Variants in TMCO6 observed in about 807,000 individuals in gnomAD.
TMCO6 encodes the protein transmembrane and coiled-coil domain-containing protein 6.
TMCO6 carries 47 observed loss-of-function variants against 61.8 expected under a neutral mutation model. That is an observed-to-expected ratio of 0.76 (90% CI 0.60 to 0.97). TMCO6 has a LOEUF of 0.97. Ranked by LOEUF, TMCO6 falls within the 50% of genes least tolerant of loss-of-function variation. The pLI is 0.00. For synonymous variants in TMCO6, 261 were observed against 254.2 expected (o/e 1.03, Z -0.25); for missense variants, 557 against 601.6 (o/e 0.93, Z 0.78).
chr5:140,642,274 T>A, intron 4 of TMCO6, 41 bp from the exon 5 acceptor site: 1 of 1,552,578 alleles, frequency 6.4e-7, no homozygotes, highest in Non-Finnish European at 8.8e-7. Context: ...CAGCCTGGCA[T>A]GAAACAGGCC....
chr5:140,642,151 TTGC>T, intron 4 of TMCO6, 98 bp downstream of exon 4: 3 of 1,495,864 alleles, frequency 2.0e-6, no homozygotes, highest in Non-Finnish European at 2.7e-6. Context: ...GAAAACATGT[TTGC>T]CCTTATGCCT....
rs771621644 is a variant in TMCO6, at chr5:140,644,198, T to C, written c.1200+4T>C. 1.5e-5 allele frequency: 25 copies of C among 1,613,642 alleles called. No homozygotes were observed. The highest frequency in any genetic ancestry group is 2.0e-5 in the Non-Finnish European group (24 of 1,179,642). ...ATCTAACGTGGTGAGCGTAATGGTA[T>C]GTATTGGGGTTACTTGAATCCAAGA... On this transcript the variant is annotated splice_donor_region_variant and intron_variant, in intron 10 of 11. Coordinates refer to ENST00000394671, the MANE Select transcript of TMCO6 (RefSeq NM_018502.5).
chr5:140,608,729 GTCCCT>G, the TMCO6 span, among the ~76,000 whole-genome samples: 1 of 152,192 alleles, frequency 6.6e-6, no homozygotes, highest in Non-Finnish European at 1.5e-5. Context: ...ATATCCAGGT[GTCCCT>G]TTGCCATTAG....
At chr5:140,630,584 A>T in the TMCO6 span, among the ~76,000 whole-genome samples, 3 of 152,172 alleles carry the variant, frequency 2.0e-5, no homozygotes, top group Admixed American at 6.5e-5. Context: ...TTCTGTAACC[A>T]TTTGATGAAG....
At chr5:140,630,992 G>T in the TMCO6 span, among the ~76,000 whole-genome samples, 2 of 152,218 alleles carry the variant, frequency 1.3e-5, no homozygotes, top group African/African-American at 4.8e-5. Context: ...AGGTCTCTGA[G>T]CTAATGTGGA....
the TMCO6 span, among the ~76,000 whole-genome samples, chr5:140,624,808 A>G: frequency 6.6e-6 from 1 of 150,890 alleles, no homozygotes; most frequent in East Asian, 1.9e-4. Flanking sequence ...TATTACAGGC[A>G]TGAGTCACTG....
chr5:140,615,020 T>C, the TMCO6 span, among the ~76,000 whole-genome samples: 2 of 152,182 alleles, frequency 1.3e-5, no homozygotes, highest in African/African-American at 4.8e-5. Context: ...TAATCTCCAT[T>C]CGTAAATGAC....
chr5:140,617,205 C>A, the TMCO6 span, among the ~76,000 whole-genome samples: 1 of 152,162 alleles, frequency 6.6e-6, no homozygotes, highest in Non-Finnish European at 1.5e-5. Flanking sequence ...GTGGGCAGAT[C>A]ACTTTAGGTC....
In TMCO6 at chr5:140,643,594, T is replaced by C. The variant is rs377210720; in HGVS notation, c.837T>C (p.His279=). ...TCAGCAATCCTCTGCTCATTGGCCATGGGGCTCTGTCTACTCTGGGGTTGC... is the reference window on the plus strand; with the variant it reads ...TCAGCAATCCTCTGCTCATTGGCCACGGGGCTCTGTCTACTCTGGGGTTGC... ...SQVSNPLLIG[H]GALSTLGLLL... is the part of the protein sequence containing the mutation. Residue 279 remains histidine (H), a synonymous_variant, in exon 8 of 12, where the codon CAT becomes CAC. Coordinates refer to ENST00000394671, the MANE Select transcript of TMCO6 (RefSeq NM_018502.5). The C allele has an allele frequency of 7.8e-5, 126 of 1,614,178 alleles. 1 individual carries two copies. The highest frequency in any genetic ancestry group is 1.1e-4 in the Non-Finnish European group (126 of 1,180,028).
chr5:140,604,612 G>A, the TMCO6 span, among the ~76,000 whole-genome samples: 8 of 151,820 alleles, frequency 5.3e-5, no homozygotes, highest in African/African-American at 1.7e-4. Context: ...TGTTGCTCAT[G>A]CTTTTGGTGT....
rs536956391 is a variant in TMCO6 at position 140,644,054 on chromosome 5, G to A, written c.1106-46G>A. The A allele has an allele frequency of 2.5e-6, 4 of 1,613,250 alleles. No individual in the cohort carries two copies. The Admixed American group carries it at 5.0e-5, about 20-fold the overall frequency. ...AGGCTGAGGTGGGTAGTATTGACAG[G>A]GGTGGTGGGGGAAAGCAGTTTTTCA... On this transcript the variant is annotated intron_variant, in intron 9 of 11. Coordinates refer to ENST00000394671, the MANE Select transcript of TMCO6 (RefSeq NM_018502.5).
the TMCO6 span, among the ~76,000 whole-genome samples, chr5:140,599,272 C>T: frequency 1.3e-5 from 2 of 152,336 alleles, no homozygotes; most frequent in South Asian, 4.1e-4. Flanking sequence ...TGCCAATCAC[C>T]TTCCAATCCA....
chr5:140,598,056 A>G, the TMCO6 span, among the ~76,000 whole-genome samples: 2 of 152,178 alleles, frequency 1.3e-5, no homozygotes, highest in Non-Finnish European at 1.5e-5. Context: ...ATTTTCCTAG[A>G]AAAATGGAGG....
Position 140,639,562 on chromosome 5 carries a change from C to T in TMCO6, c.35C>T (p.Thr12Met). The change falls in exon 1 of 12, where the codon ACG (threonine) becomes ATG (methionine). Residue 12 changes from threonine to methionine, a missense_variant. Thr to Met is a moderately conservative substitution (Grantham distance 81). Transcript: ENST00000394671. The stretch of plus-strand genomic sequence containing the variant: ...CGACGGCAGGGCCGCCTCAGGCCCA[C>T]GGTCTGCGGGGTGGAGGAGCTACGG... ...WSRRQGRLRP[T>M]VCGVEELRRR... 1.9e-6 allele frequency: 3 copies of T among 1,548,680 alleles called. No homozygotes were observed. The highest frequency in any genetic ancestry group is 1.4e-5 in the African/African-American group (1 of 73,092).
the TMCO6 span, chr5:140,632,711 C>G: frequency 6.2e-7 from 1 of 1,613,680 alleles, no homozygotes. This position sits in a 1 kb window ranked among gnomAD's most constrained non-coding sequence, Gnocchi z 6.2. Flanking sequence ...TGAGCCGCCG[C>G]ACGCGGAGAG....
chr5:140,642,844 C>T (rs1284204270), intron 6 of TMCO6, 81 bp from the exon 7 acceptor site: 1 of 1,609,782 alleles, frequency 6.2e-7, no homozygotes, highest in Non-Finnish European at 8.5e-7. Context: ...GGTTTGGACA[C>T]TCTCCCACCT....
downstream of TMCO6, chr5:140,647,702 G>T: frequency 7.1e-7 from 1 of 1,408,618 alleles, no homozygotes; most frequent in South Asian, 1.2e-5. Flanking sequence ...GGTAAAGCTT[G>T]GCCAATGATA....
the TMCO6 span, among the ~76,000 whole-genome samples, chr5:140,607,850 C>T: frequency 1.0e-4 from 15 of 148,550 alleles, no homozygotes; most frequent in Admixed American, 7.5e-4. Context: ...AGTGCAATGG[C>T]GCAATCTCGG....
chr5:140,614,899 C>T, the TMCO6 span, among the ~76,000 whole-genome samples: 4 of 152,206 alleles, frequency 2.6e-5, no homozygotes, highest in East Asian at 1.9e-4. Context: ...CCTCGCCCAG[C>T]GGGAAGTACT....
Sources: gnomAD v4.1 joint callset for allele counts (sites outside exome capture counted in the v4.1 genomes callset) on GRCh38, gnomAD v4.1.1 for gene constraint, Gnocchi (gnomAD v3.1) non-coding constraint, MANE v1.5 for transcripts, NCBI Gene and HGNC (gene_info 2026-07-23, HGNC 2026-07-21) for gene names.